The following PRKCE variants were observed in gnomAD, a reference collection of about 807,000 sequenced individuals.
PRKCE encodes the protein protein kinase C epsilon type.
In PRKCE, 16 loss-of-function variants were observed where a neutral mutation model predicts 85.4. The ratio of observed to expected loss-of-function variants is 0.19; its 90% confidence interval spans 0.13 to 0.28. The LOEUF (loss-of-function observed/expected upper bound fraction) is 0.28, where lower values mean the gene tolerates loss of function less well. Among genes scored for constraint, PRKCE ranks in the 10% least tolerant of loss-of-function variants. The pLI, the probability that PRKCE is intolerant of heterozygous loss-of-function variation, is 1.00. For missense variants in PRKCE, 573 were observed against 975.2 expected, an observed-to-expected ratio of 0.59 and a Z score of 5.49; for synonymous variants, 388 against 371.5, an observed-to-expected ratio of 1.04 and a Z score of -0.51.
At chr2:45,869,417 A>G (rs1693895444) in intron 2 of PRKCE, among the ~76,000 whole-genome samples, 1 of 152,218 alleles carries the variant, frequency 6.6e-6, no homozygotes, top group Non-Finnish European at 1.5e-5. Flanking sequence ...TAACAATGAA[A>G]GTCACAAAAT....
intron 2 of PRKCE, among the ~76,000 whole-genome samples, chr2:45,959,165 A>G (rs1163420105): frequency 6.6e-6 from 1 of 152,054 alleles, no homozygotes; most frequent in Non-Finnish European, 1.5e-5. Flanking sequence ...GGCAAGAGGA[A>G]GGTGGTTGTC....
At chr2:45,828,878 C>T (rs1232118356) in intron 1 of PRKCE, among the ~76,000 whole-genome samples, 1 of 152,068 alleles carries the variant, frequency 6.6e-6, no homozygotes, top group Non-Finnish European at 1.5e-5. Context: ...CCACAAACAC[C>T]TTTTTCTTTA....
chr2:46,025,813 T>G (rs1398200221), intron 10 of PRKCE, among the ~76,000 whole-genome samples: 1 of 152,200 alleles, frequency 6.6e-6, no homozygotes, highest in African/African-American at 2.4e-5. Flanking sequence ...GATCTGGATG[T>G]TTGTGTAGTT....
chr2:45,927,205 T>TG (rs200530454), intron 2 of PRKCE, among the ~76,000 whole-genome samples: 113 of 151,694 alleles, frequency 7.4e-4, no homozygotes, highest in Middle Eastern at 3.4e-3. Flanking sequence ...TGAGTGTGCA[T>TG]GGGGGGGGTG....
chr2:45,990,757 G>A (rs1474599567), intron 6 of PRKCE, among the ~76,000 whole-genome samples: 15 of 151,486 alleles, frequency 9.9e-5, no homozygotes, highest in Admixed American at 9.9e-4. Context: ...CACCTCCCAG[G>A]TTCAAGCAAT....
chr2:45,702,342 CT>C (rs1429615100), intron 1 of PRKCE, among the ~76,000 whole-genome samples: 3 of 152,170 alleles, frequency 2.0e-5, no homozygotes, highest in African/African-American at 7.2e-5. Flanking sequence ...AGTCCCAGCT[CT>C]TGGGCAAGCT....
At chr2:45,899,932 C>A (rs1239521331) in intron 2 of PRKCE, among the ~76,000 whole-genome samples, 2 of 152,154 alleles carry the variant, frequency 1.3e-5, no homozygotes, top group Non-Finnish European at 2.9e-5. Flanking sequence ...ATAAATCTTT[C>A]TTCTACTAGC....
intron 1 of PRKCE, among the ~76,000 whole-genome samples, chr2:45,673,696 G>T (rs1188490336): frequency 3.3e-5 from 5 of 152,268 alleles, no homozygotes; most frequent in Middle Eastern, 3.4e-3. Flanking sequence ...CTTGACTACA[G>T]AAGAGAGAAA....
intron 11 of PRKCE, among the ~76,000 whole-genome samples, chr2:46,091,675 G>A (rs951104077): frequency 6.6e-5 from 10 of 152,158 alleles, no homozygotes; most frequent in Admixed American, 5.2e-4. Flanking sequence ...TCACAAAGTC[G>A]TAGGGATTTC....
intron 1 of PRKCE, among the ~76,000 whole-genome samples, chr2:45,839,340 G>A (rs952074680): frequency 9.3e-5 from 14 of 151,050 alleles, no homozygotes; most frequent in African/African-American, 2.7e-4. Context: ...CAGTTTGACT[G>A]CCTTGCTTCT....
At chr2:45,797,362 C>T (rs762122670) in intron 1 of PRKCE, among the ~76,000 whole-genome samples, 1 of 152,214 alleles carries the variant, frequency 6.6e-6, no homozygotes, top group Non-Finnish European at 1.5e-5. Flanking sequence ...CAGCTCTCCA[C>T]GACTGCGGTA....
At chr2:45,733,758 A>T (rs1681794055) in intron 1 of PRKCE, among the ~76,000 whole-genome samples, 1 of 152,074 alleles carries the variant, frequency 6.6e-6, no homozygotes, top group Admixed American at 6.5e-5. Context: ...TGTAGTAGGA[A>T]GCGCTCGGGG....
At chr2:45,659,842 T>C in intron 1 of PRKCE, among the ~76,000 whole-genome samples, 1 of 152,104 alleles carries the variant, frequency 6.6e-6, no homozygotes, top group African/African-American at 2.4e-5. Flanking sequence ...CCTGCCTTTT[T>C]TTTTTTTTAC....
At chr2:45,761,395 C>T (rs1182342266) in intron 1 of PRKCE, among the ~76,000 whole-genome samples, 1 of 151,708 alleles carries the variant, frequency 6.6e-6, no homozygotes, top group Non-Finnish European at 1.5e-5. Flanking sequence ...GGCTTTGCCT[C>T]AATTCCTCCT....
intron 11 of PRKCE, among the ~76,000 whole-genome samples, chr2:46,142,202 C>G (rs1675607930): frequency 6.6e-6 from 1 of 152,196 alleles, no homozygotes; most frequent in African/African-American, 2.4e-5. Context: ...CATCATGGCC[C>G]TGGGCTTCCC....
At position 46,164,165 on chromosome 2, in the gene PRKCE, G is replaced by T. The variant is rs556362846; in HGVS notation, c.2067+4413G>T. Among the ~76,000 whole-genome samples the T allele has an allele frequency of 8.7e-4, 133 of 152,316 alleles. 1 individual carries two copies. Among genetic ancestry groups the T allele is most frequent in the Middle Eastern group, 3.4e-3 (1 of 294 alleles). Reference sequence around the variant, plus strand: ...AAAACTGGTTTAGATCCCGACATTGGGAAAAAACCTCCAAGTTACTGGATC... The same window carrying T: ...AAAACTGGTTTAGATCCCGACATTGTGAAAAAACCTCCAAGTTACTGGATC... On this transcript the variant is annotated intron_variant, in intron 14 of 14. Transcript: ENST00000306156.
chr2:45,885,217 A>T (rs1695206413), intron 2 of PRKCE, among the ~76,000 whole-genome samples: 1 of 151,992 alleles, frequency 6.6e-6, no homozygotes, highest in South Asian at 2.1e-4. Flanking sequence ...CCCCAGAAAG[A>T]ATTATGTTGT....
intron 1 of PRKCE, among the ~76,000 whole-genome samples, chr2:45,769,019 G>A (rs548216604): frequency 1.1e-4 from 16 of 152,294 alleles, no homozygotes; most frequent in African/African-American, 2.9e-4. Context: ...GGCAAATTCC[G>A]GGCCATTTTG....
At position 45,792,300 on chromosome 2, in the gene PRKCE, A is replaced by G. The variant is rs531683271; in HGVS notation, c.349-50700A>G. ...TGAGAATGGCACCAAGCCATTCATG[A>G]GAGATCCATCCCCATAACCCAGACA... On this transcript the variant is annotated intron_variant, in intron 1 of 14. Transcript: ENST00000306156. Among the ~76,000 whole-genome samples the G allele has an allele frequency of 4.6e-5, 7 of 152,328 alleles. No homozygotes were observed. The East Asian group carries it at 1.3e-3, about 29-fold the overall frequency.
Sources: allele counts gnomAD v4.1 joint callset (sites outside exome capture counted in the v4.1 genomes callset), GRCh38; gene constraint gnomAD v4.1.1; transcripts MANE v1.5; gene names NCBI Gene and HGNC (gene_info 2026-07-23, HGNC 2026-07-21).